The following SLC37A1 variants were observed in gnomAD, a reference collection of about 807,000 sequenced individuals.
The protein encoded by SLC37A1 is glucose-6-phosphate exchanger SLC37A1.
SLC37A1 carries 49 observed loss-of-function variants against 75.3 expected under a neutral mutation model. The observed-to-expected ratio is 0.65, with a 90% CI of 0.52 to 0.83. The LOEUF (loss-of-function observed/expected upper bound fraction) is 0.83. Among genes scored for constraint, SLC37A1 ranks in the 40% least tolerant of loss-of-function variants. SLC37A1 has a pLI of 0.00. For missense variants in SLC37A1, 566 were observed against 695.0 expected (o/e 0.81, Z 2.09); for synonymous variants, 268 against 292.1 (o/e 0.92, Z 0.84).
At chr21:42,527,889 A>G (rs2054842119) in intron 3 of SLC37A1, among the ~76,000 whole-genome samples, 1 of 152,166 alleles carries the variant, frequency 6.6e-6, no homozygotes. Flanking sequence ...CATCAAAACT[A>G]AACTTTATAG....
At chr21:42,566,937 G>A (rs1252469450) in intron 15 of SLC37A1, 48 bp from the exon 16 acceptor site, 2 of 1,577,228 alleles carry the variant, frequency 1.3e-6, no homozygotes, top group African/African-American at 2.7e-5. Context: ...TGCATGCGGG[G>A]CTCTCTGGAG....
At chr21:42,504,622 C>G (rs2054367861) in intron 2 of SLC37A1, among the ~76,000 whole-genome samples, 1 of 152,168 alleles carries the variant, frequency 6.6e-6, no homozygotes, top group Admixed American at 6.5e-5. Flanking sequence ...CAGCATGACC[C>G]TGCAAGACAG....
intron 3 of SLC37A1, among the ~76,000 whole-genome samples, 156 bp from the exon 4 acceptor site, chr21:42,534,542 C>T (rs142761359): frequency 5.7e-4 from 87 of 152,300 alleles, no homozygotes; most frequent in African/African-American, 1.9e-3. Flanking sequence ...GCAGACACAC[C>T]GCCAGCAGCG....
chr21:42,523,403 G>T (rs1201575169), intron 2 of SLC37A1, among the ~76,000 whole-genome samples: 2 of 152,236 alleles, frequency 1.3e-5, no homozygotes, highest in African/African-American at 4.8e-5. Flanking sequence ...CAAGCTGTGG[G>T]CTGGACAAGT....
chr21:42,545,020 G>A lies in SLC37A1; in HGVS notation c.730+1418G>A, dbSNP rs1045258189. On this transcript the variant is annotated intron_variant, in intron 8 of 19. Coordinates refer to ENST00000352133, the MANE Select transcript of SLC37A1 (RefSeq NM_001320537.2). This position sits in a 1 kb window ranked among gnomAD's most constrained non-coding sequence, Gnocchi z 4.0. ...AGGGAAAGGAGCTTGCTCAATGGCC[G>A]GGACCTCAGCACCCGCTCCAGGCAT... is the stretch of plus-strand genomic sequence containing the variant. Among the ~76,000 whole-genome samples the A allele has an allele frequency of 5.9e-5, 9 of 152,302 alleles. No homozygotes were observed. The highest frequency in any genetic ancestry group is 3.9e-4 in the East Asian group (2 of 5,180).
chr21:42,538,100 G>A (rs2055186448), intron 5 of SLC37A1, among the ~76,000 whole-genome samples: 2 of 152,204 alleles, frequency 1.3e-5, no homozygotes, highest in Non-Finnish European at 1.5e-5. Flanking sequence ...CATATAGCAA[G>A]ATTAGAGAAT....
At chr21:42,536,671 G>A (rs1166027553) in intron 5 of SLC37A1, among the ~76,000 whole-genome samples, 1 of 152,228 alleles carries the variant, frequency 6.6e-6, no homozygotes, top group Non-Finnish European at 1.5e-5. Flanking sequence ...ACCTAGCAGA[G>A]GCCCCTGTGA....
At chr21:42,564,861 C>T in intron 14 of SLC37A1, 68 bp downstream of exon 14, 1 of 1,438,326 alleles carries the variant, frequency 7.0e-7, no homozygotes, top group Non-Finnish European at 9.6e-7. Context: ...CCTCGCCAGC[C>T]AGCATCCTTC....
intron 5 of SLC37A1, among the ~76,000 whole-genome samples, chr21:42,536,946 C>A (rs1160420241): frequency 6.6e-6 from 1 of 152,230 alleles, no homozygotes. Flanking sequence ...ACACCACAGC[C>A]AGAGACTGAG....
At chr21:42,541,504 G>A (rs529369972) in intron 6 of SLC37A1, among the ~76,000 whole-genome samples, 49 of 152,322 alleles carry the variant, frequency 3.2e-4, no homozygotes, top group Admixed American at 4.6e-4. Context: ...ACGCTAGAGC[G>A]TCCTCAGCAA....
At chr21:42,580,246 G>A in intron 19 of SLC37A1, 99 bp from the exon 20 acceptor site, 2 of 1,391,152 alleles carry the variant, frequency 1.4e-6, no homozygotes, top group African/African-American at 1.4e-5. Flanking sequence ...GAGGGCAGCT[G>A]GCTCCCCATA....
intron 9 of SLC37A1, among the ~76,000 whole-genome samples, chr21:42,553,116 G>C (rs2055596769): frequency 1.3e-5 from 2 of 152,212 alleles, no homozygotes; most frequent in African/African-American, 4.8e-5. Context: ...CCCATGCTCT[G>C]TCTTCCCCGT....
rs894836000 is a variant in SLC37A1 at position 42,501,598 on chromosome 21, G to A, written c.-300-698G>A. 2.6e-5 allele frequency among the ~76,000 whole-genome samples: 4 copies of A among 152,174 alleles called. 1 individual carries two copies. Among genetic ancestry groups the A allele is most frequent in the Non-Finnish European group, 5.9e-5 (4 of 68,040 alleles). On this transcript the variant is annotated intron_variant, in intron 1 of 20. Coordinates refer to the SLC37A1 transcript ENST00000398341. ...ATGGTGGCGGGCGCCTGTAATCCCA[G>A]CCACTCAGGAGGTTGAGGCAGGAGA...
intron 14 of SLC37A1, 81 bp downstream of exon 14, chr21:42,564,874 T>G: frequency 7.5e-7 from 1 of 1,330,612 alleles, no homozygotes; most frequent in Non-Finnish European, 1.1e-6. Context: ...CATCCTTCCA[T>G]CTGGCCCGTG....
intron 11 of SLC37A1, among the ~76,000 whole-genome samples, chr21:42,559,931 G>A (rs1040985989): frequency 2.6e-5 from 4 of 151,578 alleles, no homozygotes; most frequent in African/African-American, 9.7e-5. Context: ...TGGTCTGATT[G>A]CCCGTGTGTG....
intron 17 of SLC37A1, among the ~76,000 whole-genome samples, chr21:42,570,180 A>C (rs2056112128): frequency 9.8e-6 from 1 of 101,992 alleles, no homozygotes; most frequent in African/African-American, 3.6e-5. Context: ...GGCCATTGCC[A>C]TGTGACACAT....
At chr21:42,576,035 GAAAGT>G in intron 18 of SLC37A1, 1 of 835,220 alleles carries the variant, frequency 1.2e-6, no homozygotes, top group Non-Finnish European at 1.4e-6. Flanking sequence ...AAACTCATAA[GAAAGT>G]AAAGGAACTC....
Position 42,534,788 on chromosome 21 carries a change from C to A in SLC37A1, c.229C>A (p.Gln77Lys), listed in dbSNP as rs754245130. The A allele has an allele frequency of 5.6e-6, 9 of 1,613,916 alleles. No individual in the cohort carries two copies. In the East Asian group the frequency reaches 2.0e-4, roughly 36 times the overall value. ...NRKSGSAAPH[Q>K]LPDNETDCGW... ...GAAGTCTGGGTCCGCTGCCCCCCAC[C>A]AGCTCCCTGACAATGAGACCGACTG... Residue 77 changes from glutamine (Q) to lysine (K), a missense_variant, in exon 4 of 20, where the codon CAG becomes AAG. Physicochemically the swap from Gln to Lys is moderately conservative, Grantham distance 53 (BLOSUM62 1). Coordinates refer to ENST00000352133, the MANE Select transcript of SLC37A1 (RefSeq NM_001320537.2).
chr21:42,557,225 C>G (rs945722663), intron 10 of SLC37A1, among the ~76,000 whole-genome samples: 1 of 152,236 alleles, frequency 6.6e-6, no homozygotes, highest in Admixed American at 6.5e-5. Context: ...TGCGGAACGG[C>G]CTGTGAAGTC....
Sources: gnomAD v4.1 joint callset for allele counts (sites outside exome capture counted in the v4.1 genomes callset) on GRCh38, gnomAD v4.1.1 for gene constraint, Gnocchi (gnomAD v3.1) non-coding constraint, MANE v1.5 for transcripts, NCBI Gene and HGNC (gene_info 2026-07-23, HGNC 2026-07-21) for gene names.